The following LDLRAD3 variants were observed in gnomAD, a reference collection of about 807,000 sequenced individuals.
LDLRAD3 encodes low density lipoprotein receptor class A domain containing 3, also known as low-density lipoprotein receptor class A domain-containing protein 3.
Under a neutral mutation model 29.4 loss-of-function variants are expected in LDLRAD3, and 20 were observed. The ratio of observed to expected loss-of-function variants is 0.68; its 90% confidence interval spans 0.48 to 0.99. LDLRAD3 has a LOEUF of 0.99. Ranked by LOEUF, LDLRAD3 falls within the 50% of genes least tolerant of loss-of-function variation. LDLRAD3 has a pLI of 0.00. For missense variants in LDLRAD3, 420 were observed against 454.3 expected, an observed-to-expected ratio of 0.92 and a Z score of 0.69; for synonymous variants, 157 against 192.7, an observed-to-expected ratio of 0.81 and a Z score of 1.53.
intron 2 of LDLRAD3, among the ~76,000 whole-genome samples, chr11:36,077,627 G>T (rs1043143588): frequency 1.3e-5 from 2 of 152,224 alleles, no homozygotes; most frequent in African/African-American, 4.8e-5. Flanking sequence ...CTGCAAGGCT[G>T]CAGGTGGACC....
At chr11:36,156,769 G>T (rs1854358247) in intron 4 of LDLRAD3, among the ~76,000 whole-genome samples, 1 of 152,132 alleles carries the variant, frequency 6.6e-6, no homozygotes, top group Admixed American at 6.5e-5. Context: ...GCATGATATG[G>T]TTTCAGAGAT....
At chr11:36,074,334 G>A (rs1314166210) in intron 2 of LDLRAD3, among the ~76,000 whole-genome samples, 2 of 152,206 alleles carry the variant, frequency 1.3e-5, no homozygotes, top group Admixed American at 1.3e-4. Flanking sequence ...GAGGGTTAGA[G>A]CGACTAAGGG....
chr11:36,144,593 T>C (rs1024610067), intron 4 of LDLRAD3, among the ~76,000 whole-genome samples: 3 of 138,538 alleles, frequency 2.2e-5, no homozygotes, highest in Non-Finnish European at 3.1e-5. Flanking sequence ...GTCTGAGAAG[T>C]GAGGAGACCC....
chr11:36,160,158 G>A (rs1854417932), intron 4 of LDLRAD3, among the ~76,000 whole-genome samples: 1 of 152,206 alleles, frequency 6.6e-6, no homozygotes, highest in Non-Finnish European at 1.5e-5. Context: ...ACCTGAATCT[G>A]TGTGGTGAAT....
At chr11:36,211,909 G>A (rs1162481286) in intron 4 of LDLRAD3, among the ~76,000 whole-genome samples, 1 of 152,056 alleles carries the variant, frequency 6.6e-6, no homozygotes, top group Admixed American at 6.6e-5. Flanking sequence ...CTGCTGACTC[G>A]GCAGGCTCAA....
intron 4 of LDLRAD3, among the ~76,000 whole-genome samples, chr11:36,193,407 C>T (rs964500880): frequency 1.3e-5 from 2 of 152,182 alleles, no homozygotes; most frequent in South Asian, 2.1e-4. Flanking sequence ...TGCATACAGT[C>T]GCCAGAACAA....
chr11:36,223,644 C>T (rs1855459284), intron 4 of LDLRAD3, among the ~76,000 whole-genome samples: 1 of 152,020 alleles, frequency 6.6e-6, no homozygotes, highest in Admixed American at 6.6e-5. Flanking sequence ...GGCTCGAGCC[C>T]AGGAGGTTGA....
At chr11:36,194,641 C>T (rs1450034887) in intron 4 of LDLRAD3, among the ~76,000 whole-genome samples, 8 of 152,180 alleles carry the variant, frequency 5.3e-5, no homozygotes. Context: ...CTGCCAGAAA[C>T]CCAGTGTGAA....
At chr11:35,956,977 C>T (rs1043288695) in intron 1 of LDLRAD3, among the ~76,000 whole-genome samples, 3 of 152,206 alleles carry the variant, frequency 2.0e-5, no homozygotes, top group Non-Finnish European at 4.4e-5. Context: ...CCTCGTGATC[C>T]GCCTGTCTCG....
At chr11:36,216,606 C>G (rs776660121) in intron 4 of LDLRAD3, among the ~76,000 whole-genome samples, 5 of 152,126 alleles carry the variant, frequency 3.3e-5, no homozygotes, top group African/African-American at 7.2e-5. Context: ...GTAACTTTTC[C>G]TAGTCCATAC....
chr11:36,008,872 T>G (rs1242013656), intron 1 of LDLRAD3, among the ~76,000 whole-genome samples: 2 of 152,234 alleles, frequency 1.3e-5, no homozygotes, highest in African/African-American at 2.4e-5. Context: ...GCCTTATTTT[T>G]AAAAACATGT....
chr11:36,077,960 G>C (rs778208065), intron 2 of LDLRAD3, among the ~76,000 whole-genome samples: 1 of 152,198 alleles, frequency 6.6e-6, no homozygotes, highest in Non-Finnish European at 1.5e-5. Context: ...GGGTGAGCAA[G>C]ACAAAGGGGA....
chr11:36,140,659 G>A (rs183787481), intron 4 of LDLRAD3, among the ~76,000 whole-genome samples: 56 of 152,218 alleles, frequency 3.7e-4, no homozygotes, highest in African/African-American at 1.0e-3. Flanking sequence ...GGGATCGAGC[G>A]ATCTGCCCAC....
intron 4 of LDLRAD3, among the ~76,000 whole-genome samples, chr11:36,182,378 C>T (rs1173560909): frequency 6.6e-6 from 1 of 151,402 alleles, no homozygotes; most frequent in African/African-American, 2.4e-5. Context: ...CCTCCACCTG[C>T]CCCCGCAAAA....
intron 4 of LDLRAD3, among the ~76,000 whole-genome samples, chr11:36,191,535 C>G (rs1565291599): frequency 3.7e-5 from 2 of 53,786 alleles, no homozygotes; most frequent in Non-Finnish European, 7.2e-5. Flanking sequence ...AGAGCAAGAC[C>G]CTGTCTCTCT....
chr11:36,094,451 C>T (rs1321249328), intron 3 of LDLRAD3, among the ~76,000 whole-genome samples: 1 of 152,210 alleles, frequency 6.6e-6, no homozygotes, highest in Non-Finnish European at 1.5e-5. Context: ...CTATCCGGCC[C>T]TTGATAGGAA....
chr11:36,103,679 C>T (rs1199408802), intron 4 of LDLRAD3, among the ~76,000 whole-genome samples: 1 of 152,188 alleles, frequency 6.6e-6, no homozygotes, highest in Non-Finnish European at 1.5e-5. Context: ...CTTTTCCACG[C>T]CCATCCCAGT....
intron 4 of LDLRAD3, among the ~76,000 whole-genome samples, chr11:36,107,727 T>TGTGTA (rs1475670297): frequency 1.3e-5 from 2 of 152,200 alleles, no homozygotes; most frequent in South Asian, 4.1e-4. Context: ...ATAACCTAGG[T>TGTGTA]GTGTAGTAGG....
At chr11:35,965,790 A>C (rs565306446) in intron 1 of LDLRAD3, among the ~76,000 whole-genome samples, 9 of 152,314 alleles carry the variant, frequency 5.9e-5, no homozygotes, top group African/African-American at 2.2e-4. Flanking sequence ...GGGTTTATTC[A>C]ATTTAAAAAA....
Sources: gnomAD v4.1 joint callset for allele counts (sites outside exome capture counted in the v4.1 genomes callset) on GRCh38, gnomAD v4.1.1 for gene constraint, MANE v1.5 for transcripts, NCBI Gene and HGNC (gene_info 2026-07-23, HGNC 2026-07-21) for gene names.